The following NAV2 variants were observed in gnomAD, a reference collection of about 807,000 sequenced individuals.
The protein encoded by NAV2 is helicase, APC down-regulated 1.
NAV2 carries 54 observed loss-of-function variants against 223.2 expected under a neutral mutation model. The observed-to-expected ratio is 0.24, with a 90% CI of 0.19 to 0.30. NAV2 has a LOEUF of 0.30. NAV2 is among the 10% of genes least tolerant of loss of function. NAV2 has a pLI of 1.00. For missense variants in NAV2, 2,806 were observed against 3,147.5 expected, an observed-to-expected ratio of 0.89 and a Z score of 2.60; for synonymous variants, 1,279 against 1,239.3, an observed-to-expected ratio of 1.03 and a Z score of -0.67.
At chr11:19,963,154 A>C (rs1431769549) in intron 10 of NAV2, among the ~76,000 whole-genome samples, 3 of 152,214 alleles carry the variant, frequency 2.0e-5, no homozygotes, top group Non-Finnish European at 2.9e-5. Context: ...CATAGTCGCT[A>C]ACTGCTTTGG....
intron 6 of NAV2, among the ~76,000 whole-genome samples, chr11:19,898,384 T>C (rs945480682): frequency 5.3e-5 from 8 of 152,206 alleles, no homozygotes; most frequent in African/African-American, 1.9e-4. Context: ...TTTTGACAGA[T>C]AAAATTTTCT....
At chr11:19,758,702 T>C (rs1209449701) in intron 1 of NAV2, among the ~76,000 whole-genome samples, 1 of 152,164 alleles carries the variant, frequency 6.6e-6, no homozygotes, top group Non-Finnish European at 1.5e-5. Flanking sequence ...TCTGCTATTT[T>C]GCTGCAGTGC....
At chr11:20,106,310 G>A (rs75243923) in intron 35 of NAV2, among the ~76,000 whole-genome samples, 7,279 of 142,722 alleles carry the variant, frequency 0.051, 586 homozygotes, top group East Asian at 0.35. Flanking sequence ...TGTAATCTCA[G>A]CACTTTGGGA....
chr11:20,060,253 T>C lies in NAV2; in HGVS notation c.4832-2054T>C, dbSNP rs569491559. On this transcript the variant is annotated intron_variant, in intron 19 of 37. Transcript: ENST00000349880. The stretch of plus-strand genomic sequence containing the variant: ...GTGCTAGTCTCTGGCAGGCCAGTCA[T>C]GCAAGTGTGTGTGGCTATGTGTTAC... Among the ~76,000 whole-genome samples, 10 of 152,372 alleles carry C rather than the reference T, an allele frequency of 6.6e-5. No homozygotes were observed. The South Asian group carries it at 1.4e-3, about 22-fold the overall frequency.
chr11:19,519,932 C>A (rs2043589640), intron 1 of NAV2: 1 of 152,230 alleles, frequency 6.6e-6, no homozygotes, highest in Non-Finnish European at 1.5e-5. Flanking sequence ...GCAGCATGAA[C>A]CTGCTAATTA....
At chr11:19,586,174 C>G (rs985125100) in intron 1 of NAV2, among the ~76,000 whole-genome samples, 4 of 152,208 alleles carry the variant, frequency 2.6e-5, no homozygotes, top group African/African-American at 9.7e-5. Flanking sequence ...ATTGAATCAG[C>G]TACTGCGGCT....
intron 1 of NAV2, among the ~76,000 whole-genome samples, chr11:19,527,104 GTC>G (rs1302745950): frequency 1.3e-5 from 2 of 151,434 alleles, no homozygotes; most frequent in Non-Finnish European, 2.9e-5. Context: ...TCCAAATCTC[GTC>G]TTGAATTGTA....
At chr11:19,753,371 C>T (rs1207078636) in intron 1 of NAV2, among the ~76,000 whole-genome samples, 1 of 152,140 alleles carries the variant, frequency 6.6e-6, no homozygotes, top group African/African-American at 2.4e-5. Flanking sequence ...ACCACCCCCA[C>T]CCAAGCATAC....
intron 1 of NAV2, among the ~76,000 whole-genome samples, chr11:19,589,246 C>A (rs755100264): frequency 6.6e-6 from 1 of 152,106 alleles, no homozygotes; most frequent in Non-Finnish European, 1.5e-5. Flanking sequence ...AAAAACCAAC[C>A]AACCAATCAA....
At chr11:19,861,870 T>C (rs955163622) in intron 3 of NAV2, among the ~76,000 whole-genome samples, 5 of 152,188 alleles carry the variant, frequency 3.3e-5, no homozygotes, top group African/African-American at 9.7e-5. Flanking sequence ...CTGACACTAG[T>C]CACCAGTGGA....
intron 1 of NAV2, among the ~76,000 whole-genome samples, chr11:19,694,253 G>T (rs1051013177): frequency 6.6e-6 from 1 of 152,196 alleles, no homozygotes; most frequent in African/African-American, 2.4e-5. Context: ...GCACTGTGTG[G>T]GGAGTTCTGG....
chr11:19,775,541 G>A (rs948340929), intron 1 of NAV2, among the ~76,000 whole-genome samples: 9 of 152,202 alleles, frequency 5.9e-5, no homozygotes, highest in African/African-American at 1.9e-4. Context: ...GGGAACAGTA[G>A]GGAAACAAAA....
chr11:19,925,021 T>A (rs938305528), intron 6 of NAV2, among the ~76,000 whole-genome samples: 1 of 152,204 alleles, frequency 6.6e-6, no homozygotes, highest in African/African-American at 2.4e-5. Context: ...TGGTTTTGAT[T>A]TGCTTTCTCT....
At chr11:20,008,749 C>T (rs200470499) in intron 11 of NAV2, among the ~76,000 whole-genome samples, 2 of 111,212 alleles carry the variant, frequency 1.8e-5, no homozygotes, top group Admixed American at 9.0e-5. Flanking sequence ...TTTTTTTTTT[C>T]CGCCTGCTTG....
chr11:19,724,896 T>C (rs985850391), intron 1 of NAV2, among the ~76,000 whole-genome samples: 1 of 152,230 alleles, frequency 6.6e-6, no homozygotes, highest in African/African-American at 2.4e-5. Flanking sequence ...ACCTTCCTAA[T>C]GCTAGGGCGA....
intron 1 of NAV2, among the ~76,000 whole-genome samples, chr11:19,487,545 G>A (rs1235953452): frequency 6.6e-6 from 1 of 152,152 alleles, no homozygotes; most frequent in Non-Finnish European, 1.5e-5. Context: ...GCATCCTGCG[G>A]AACTCTTTCT....
chr11:19,626,278 A>G (rs1251102466), intron 1 of NAV2, among the ~76,000 whole-genome samples: 1 of 152,192 alleles, frequency 6.6e-6, no homozygotes, highest in Non-Finnish European at 1.5e-5. Flanking sequence ...CATTTATTGA[A>G]GAGGGTGTCC....
chr11:19,404,007 T>C (rs529175081), intron 1 of NAV2, among the ~76,000 whole-genome samples: 2 of 151,744 alleles, frequency 1.3e-5, no homozygotes, highest in East Asian at 3.9e-4. Flanking sequence ...GACTGGGAAA[T>C]GGTGAAGAGG....
In NAV2 at chr11:20,036,094, G is replaced by A. The variant is rs1442493420; in HGVS notation, c.2904G>A (p.Val968=). The part of the protein sequence containing the change: ...TPASSRKNLD[V]QTDAEKHSQV... Reference sequence around the variant, plus strand: ...CCTCCTCTCGAAAAAACCTGGATGTGCAGGTGAGGAACACAGGCCCTCCCA... The same window carrying A: ...CCTCCTCTCGAAAAAACCTGGATGTACAGGTGAGGAACACAGGCCCTCCCA... Residue 968 remains valine, a synonymous_variant, in exon 12 of 38, where the codon GTG becomes GTA. Transcript: ENST00000349880. 6.2e-7 allele frequency: 1 copy of A among 1,614,176 alleles called. No homozygotes were observed. Among genetic ancestry groups the A allele is most frequent in the Admixed American group, 1.7e-5 (1 of 60,028 alleles).
Sources: allele counts gnomAD v4.1 joint callset (sites outside exome capture counted in the v4.1 genomes callset), GRCh38; gene constraint gnomAD v4.1.1; transcripts MANE v1.5; gene names NCBI Gene and HGNC (gene_info 2026-07-23, HGNC 2026-07-21).